GLI3: variants seen among roughly 807,000 people sequenced by gnomAD.
GLI3 encodes the protein GLI family zinc finger 3.
In GLI3, 20 loss-of-function variants were observed where a neutral mutation model predicts 100.8. The observed-to-expected ratio is 0.20, with a 90% CI of 0.14 to 0.29. The LOEUF (loss-of-function observed/expected upper bound fraction) is 0.29. Ranked by LOEUF, GLI3 falls within the 10% of genes least tolerant of loss-of-function variation. The pLI, the probability that GLI3 is intolerant of heterozygous loss-of-function variation, is 1.00. For synonymous variants in GLI3, 938 were observed against 860.5 expected (o/e 1.09, Z -1.58); for missense variants, 2,040 against 2,128.5 (o/e 0.96, Z 0.82).
At chr7:42,223,656 G>C (rs987243167) in intron 1 of GLI3, among the ~76,000 whole-genome samples, 2 of 152,192 alleles carry the variant, frequency 1.3e-5, no homozygotes, top group African/African-American at 4.8e-5. Context: ...TGTCTCTTCA[G>C]GTGGCCAACT....
At chr7:42,097,384 G>A (rs1378850031) in intron 3 of GLI3, among the ~76,000 whole-genome samples, 1 of 152,208 alleles carries the variant, frequency 6.6e-6, no homozygotes, top group African/African-American at 2.4e-5. Flanking sequence ...TGTGAGACAG[G>A]AAGCAGCAGG....
At chr7:42,007,151 T>C (rs531138124) in intron 10 of GLI3, among the ~76,000 whole-genome samples, 1 of 148,990 alleles carries the variant, frequency 6.7e-6, no homozygotes, top group East Asian at 2.0e-4. Flanking sequence ...CAAAGATATC[T>C]TAGCTCCACC....
Position 42,237,060 on chromosome 7 carries a change from G to T in GLI3, c.-132C>A, listed in dbSNP as rs1788818915. The T allele has an allele frequency of 6.7e-6, 1 of 148,398 alleles. No homozygotes were observed. Among genetic ancestry groups the T allele is most frequent in the African/African-American group, 2.4e-5 (1 of 41,040 alleles). 9.2% of individuals were successfully genotyped at this position (148,398 alleles called of 1,614,324 possible). ...GCGGCTCCCCGCTCCGCGCGGCCGC[G>T]GGCGGCTACGGCTACCGCGAGCGGC... On this transcript the variant is annotated 5_prime_UTR_variant, in exon 1 of 15. Transcript: ENST00000395925.
chr7:42,122,626 T>G (rs745788811), intron 3 of GLI3, among the ~76,000 whole-genome samples: 1 of 152,186 alleles, frequency 6.6e-6, no homozygotes. Context: ...GAGACTAGAA[T>G]CCTGTCCTTT....
chr7:42,059,872 G>T (rs1472248943), intron 4 of GLI3, among the ~76,000 whole-genome samples: 1 of 152,226 alleles, frequency 6.6e-6, no homozygotes, highest in Non-Finnish European at 1.5e-5. Flanking sequence ...CTCCAGTGGA[G>T]CAGGCCACGG....
chr7:42,220,998 G>A (rs1788475279), intron 2 of GLI3, among the ~76,000 whole-genome samples: 1 of 152,220 alleles, frequency 6.6e-6, no homozygotes, highest in Non-Finnish European at 1.5e-5. Flanking sequence ...ACATTTAGGA[G>A]AAAATGTGGG....
chr7:41,961,972 A>T lies in GLI3; in HGVS notation c.*2358T>A, dbSNP rs1358247497. The T allele has an allele frequency of 2.9e-5, 4 of 136,652 alleles. No homozygotes were observed. Among genetic ancestry groups the T allele is most frequent in the South Asian group, 2.2e-4 (1 of 4,590 alleles). The allele number at this position is 136,652 out of a possible 1,614,324, so 8.5% of individuals were successfully genotyped here. On this transcript the variant is annotated 3_prime_UTR_variant, in exon 15 of 15. Coordinates refer to ENST00000395925, the MANE Select transcript of GLI3 (RefSeq NM_000168.6). The stretch of plus-strand genomic sequence containing the variant: ...AAGCAGTAGAAAGGAAAGCAAATAT[A>T]AAAAAAAAAAGAAATAAAAGAAGAA...
At chr7:42,003,186 T>C (rs1788357777) in intron 10 of GLI3, among the ~76,000 whole-genome samples, 1 of 152,050 alleles carries the variant, frequency 6.6e-6, no homozygotes, top group African/African-American at 2.4e-5. Context: ...TTTTGAAATA[T>C]CAAAAGAAAG....
chr7:42,071,353 C>G (rs1784781389), intron 4 of GLI3, among the ~76,000 whole-genome samples: 1 of 152,104 alleles, frequency 6.6e-6, no homozygotes. Flanking sequence ...CGGGGGGAAA[C>G]TTTCCTTTGT....
Position 41,990,876 on chromosome 7 carries a change from G to C in GLI3, c.1498-12128C>G, listed in dbSNP as rs77404029. On this transcript the variant is annotated intron_variant, in intron 10 of 14. Transcript: ENST00000395925. ...AATAGATTAAGGCAAGTGTGTGTGT[G>C]TGTGTGTGTGTGTGTGTGTGTGTGT... 1.5e-4 allele frequency among the ~76,000 whole-genome samples: 23 copies of C among 151,774 alleles called. No homozygotes were observed. In the East Asian group the frequency reaches 4.1e-3, roughly 27 times the overall value.
chr7:42,201,174 A>G (rs1294148697), intron 2 of GLI3, among the ~76,000 whole-genome samples: 1 of 152,074 alleles, frequency 6.6e-6, no homozygotes, highest in East Asian at 1.9e-4. Context: ...AATTACAACA[A>G]TATACTGTAA....
upstream of GLI3, among the ~76,000 whole-genome samples, chr7:42,239,606 A>G (rs1788903450): frequency 1.3e-5 from 2 of 152,204 alleles, no homozygotes; most frequent in Non-Finnish European, 2.9e-5. Context: ...AAATCATCAA[A>G]TAATAGAATA....
At position 42,007,562 on chromosome 7, in the gene GLI3, T is replaced by A. The variant is rs74679213; in HGVS notation, c.1497+15906A>T. On this transcript the variant is annotated intron_variant, in intron 10 of 14. Coordinates refer to ENST00000395925, the MANE Select transcript of GLI3 (RefSeq NM_000168.6). ...AAGTACTTGATTATTTACCTCTCAA[T>A]AAGCTCGGCACTAATGTTTTTATCT... Among the ~76,000 whole-genome samples, 1,240 of 152,256 alleles carry A rather than the reference T, an allele frequency of 8.1e-3. 22 individuals carry two copies. The highest frequency in any genetic ancestry group is 0.028 in the African/African-American group (1,178 of 41,542).
intron 10 of GLI3, among the ~76,000 whole-genome samples, chr7:41,985,163 C>T (rs550097908): frequency 6.6e-6 from 1 of 152,208 alleles, no homozygotes; most frequent in Non-Finnish European, 1.5e-5. Context: ...CTCTCTTGAA[C>T]CATTAAGATG....
rs113313310 is a variant in GLI3, at chr7:42,050,264, A to T, written c.474-1568T>A. Among the ~76,000 whole-genome samples the T allele has an allele frequency of 6.2e-3, 944 of 152,342 alleles. 8 individuals are homozygous for T. Among genetic ancestry groups the T allele is most frequent in the Non-Finnish European group, 0.011 (751 of 68,028 alleles). On this transcript the variant is annotated intron_variant, in intron 4 of 14. Coordinates refer to ENST00000395925, the MANE Select transcript of GLI3 (RefSeq NM_000168.6). The stretch of plus-strand genomic sequence containing the variant: ...AATCCAAAGTTTTCTAAATTTACAC[A>T]TGGGAAGAGTAAGAAATCACCACCA...
At chr7:42,145,686 G>C (rs1185460293) in intron 3 of GLI3, 5 of 397,592 alleles carry the variant, frequency 1.3e-5, no homozygotes, top group African/African-American at 2.1e-5. Context: ...ACATGACTTA[G>C]AGAGTCAACT....
At position 41,965,845 on chromosome 7, in the gene GLI3, C is replaced by T; in HGVS notation, c.3228G>A (p.Glu1076=). The T allele has an allele frequency of 6.2e-7, 1 of 1,613,662 alleles. No individual in the cohort carries two copies. Among genetic ancestry groups the T allele is most frequent in the Non-Finnish European group, 8.5e-7 (1 of 1,179,902 alleles). The change falls in exon 15 of 15, where the codon GAG becomes GAA. Residue 1076 remains glutamate, a synonymous_variant. Transcript: ENST00000395925. ...TGGCATCAGCGTCCATGGTCAGGGA[C>T]TCCAGGGTGACGTTCTCGGTGATGC... ...PPSITENVTL[E]SLTMDADANL... is the part of the protein sequence containing the mutation.
intron 3 of GLI3, among the ~76,000 whole-genome samples, chr7:42,108,182 G>A (rs1203481704): frequency 6.6e-6 from 1 of 152,172 alleles, no homozygotes; most frequent in Non-Finnish European, 1.5e-5. Flanking sequence ...CTGAATGCTT[G>A]GTGAGTCCGC....
intron 10 of GLI3, among the ~76,000 whole-genome samples, chr7:41,990,122 TACACACACACACAC>T (rs3138802): frequency 6.7e-5 from 10 of 148,872 alleles, no homozygotes; most frequent in Admixed American, 2.0e-4. Flanking sequence ...AATGCTTGCT[TACACACACACACAC>T]ACACACACAC....
Sources: allele counts gnomAD v4.1 joint callset (sites outside exome capture counted in the v4.1 genomes callset), GRCh38; gene constraint gnomAD v4.1.1; transcripts MANE v1.5; gene names NCBI Gene and HGNC (gene_info 2026-07-23, HGNC 2026-07-21).